AP2A2: variants seen among roughly 807,000 people sequenced by gnomAD.
AP2A2 encodes the protein AP-2 complex subunit alpha-2.
Under a neutral mutation model 104.2 loss-of-function variants are expected in AP2A2, and 32 were observed. That is an observed-to-expected ratio of 0.31 (90% confidence interval 0.23 to 0.41). The LOEUF (loss-of-function observed/expected upper bound fraction) is 0.41. AP2A2 is among the 10% of genes least tolerant of loss of function. The pLI, the probability that AP2A2 is intolerant of heterozygous loss-of-function variation, is 1.00. For synonymous variants in AP2A2, 539 were observed against 533.3 expected (o/e 1.01, Z -0.15); for missense variants, 912 against 1,261.0 (o/e 0.72, Z 4.19).
intron 1 of AP2A2, among the ~76,000 whole-genome samples, chr11:936,125 T>G (rs1280209372): frequency 2.7e-5 from 4 of 147,968 alleles, no homozygotes; most frequent in Non-Finnish European, 5.9e-5. Context: ...GCCAGGATGG[T>G]CTCTATCTCC....
At position 1,010,649 on chromosome 11, in the gene AP2A2, C is replaced by T. The variant is rs72842410; in HGVS notation, c.*24C>T. 212,602 of 1,556,544 alleles carry T rather than the reference C, an allele frequency of 0.14. 18,001 individuals are homozygous for T. The highest frequency in any genetic ancestry group is 0.33 in the South Asian group (28,012 of 85,024). On this transcript the variant is annotated 3_prime_UTR_variant, in exon 22 of 22. Transcript: ENST00000448903. ...AGTCCTGAGGATGGAAGACCAGGCT[C>T]GTGTGTCTTGTGTTGTCTTCGTCTG... is the stretch of plus-strand genomic sequence containing the variant.
chr11:993,401 T>C lies in AP2A2; in HGVS notation c.1550+20T>C. ...ATCCAGGTGAGAGGCCCTTTGCGAG[T>C]CGGGGCTGTGTGCGCTCCGGCGGGC... is the stretch of plus-strand genomic sequence containing the variant. On this transcript the variant is annotated intron_variant, in intron 12 of 21. Transcript: ENST00000448903. The surrounding 1 kb of genome is among the most constrained non-coding windows in gnomAD (Gnocchi z 8.2). The C allele has an allele frequency of 1.3e-6, 2 of 1,586,940 alleles. No individual in the cohort carries two copies. The highest frequency in any genetic ancestry group is 1.4e-5 in the African/African-American group (1 of 73,320).
At position 992,498 on chromosome 11, in the gene AP2A2, C is replaced by T; in HGVS notation, c.1270-5C>T. The T allele has an allele frequency of 6.3e-7, 1 of 1,579,846 alleles. No individual in the cohort carries two copies. On this transcript the variant is annotated splice_region_variant and splice_polypyrimidine_tract_variant and intron_variant, in intron 10 of 21. Coordinates refer to ENST00000448903, the MANE Select transcript of AP2A2 (RefSeq NM_012305.4). This position sits in a 1 kb window ranked among gnomAD's most constrained non-coding sequence, Gnocchi z 6.4. ...TGCCGGCCCTCAGCAGCCTGTCCCC[C>T]ACAGGTGCTGAAGGTCGCCATCCTG...
Position 970,344 on chromosome 11 carries a change from A to G in AP2A2, c.279+33A>G, listed in dbSNP as rs756674683. ...TCGCTGCAGGTGGAGACGGCAGAGG[A>G]TGGCGTGGGCCTGGCAGGACTGAGG... On this transcript the variant is annotated intron_variant, in intron 3 of 21. Coordinates refer to ENST00000448903, the MANE Select transcript of AP2A2 (RefSeq NM_012305.4). 12 of 1,607,110 alleles carry G rather than the reference A, an allele frequency of 7.5e-6. No homozygotes were observed. The South Asian group carries it at 8.8e-5, about 12-fold the overall frequency.
intron 4 of AP2A2, among the ~76,000 whole-genome samples, chr11:974,697 A>G (rs1342996006): frequency 1.4e-5 from 2 of 145,472 alleles, no homozygotes; most frequent in South Asian, 4.3e-4. Context: ...AAAAAAAAAA[A>G]AAAAGAAAGC....
intron 8 of AP2A2, 126 bp from the exon 9 acceptor site, chr11:986,659 G>A (rs1855468136): frequency 8.5e-7 from 1 of 1,179,226 alleles, no homozygotes; most frequent in Non-Finnish European, 1.2e-6. Flanking sequence ...CTTGAGCAGT[G>A]TGGTGGCGGT....
At position 1,011,050 on chromosome 11, in the gene AP2A2, G is replaced by A. The variant is rs780224229; in HGVS notation, c.*425G>A. The stretch of plus-strand genomic sequence containing the variant: ...GTGGGCTGAGCCTTGGTGTGTGGCC[G>A]TCCTGGTGGCTGCACACCTGGCGTC... On this transcript the variant is annotated 3_prime_UTR_variant, in exon 22 of 22. Coordinates refer to ENST00000448903, the MANE Select transcript of AP2A2 (RefSeq NM_012305.4). 18 of 642,472 alleles carry A rather than the reference G, an allele frequency of 2.8e-5. No individual in the cohort carries two copies. The highest frequency in any genetic ancestry group is 7.5e-5 in the Admixed American group (4 of 53,458). 39.8% of individuals were successfully genotyped at this position (642,472 alleles called of 1,614,324 possible). A position where few individuals can be genotyped will look rare whatever the true frequency, so the allele number is the denominator to read the frequency against.
chr11:969,384 C>T (rs1482781029), intron 2 of AP2A2, among the ~76,000 whole-genome samples: 4 of 151,956 alleles, frequency 2.6e-5, no homozygotes, highest in South Asian at 2.1e-4. Flanking sequence ...CATGCACCAC[C>T]ACGCCTGGCT....
chr11:977,076 C>T lies in AP2A2; in HGVS notation c.474-19C>T. ...TGTCTTCAGCCTGTTGCGAGTGACT[C>T]TTGACGTCTGTCTTTCAGAGACACT... On this transcript the variant is annotated intron_variant, in intron 4 of 21. Coordinates refer to ENST00000448903, the MANE Select transcript of AP2A2 (RefSeq NM_012305.4). 3.1e-6 allele frequency: 5 copies of T among 1,613,282 alleles called. No individual in the cohort carries two copies. The highest frequency in any genetic ancestry group is 3.4e-6 in the Non-Finnish European group (4 of 1,179,686).
intron 1 of AP2A2, among the ~76,000 whole-genome samples, chr11:950,335 A>G (rs1253638612): frequency 2.8e-5 from 4 of 142,096 alleles, no homozygotes; most frequent in African/African-American, 1.0e-4. Context: ...TTTTTGACAG[A>G]GTTTCGCTCT....
Position 970,287 on chromosome 11 carries a change from A to C in AP2A2, c.255A>C (p.Ser85=). Residue 85 remains serine (S), a synonymous_variant, in exon 3 of 22, where the codon TCA becomes TCC. Coordinates refer to ENST00000448903, the MANE Select transcript of AP2A2 (RefSeq NM_012305.4). ...GHMEAVNLLS[S]NRYTEKQIGY... The stretch of plus-strand genomic sequence containing the variant: ...TGGAGGCTGTGAACCTGCTGAGTTC[A>C]AACAGATACACGGAAAAGCAGATCG... The C allele has an allele frequency of 6.2e-7, 1 of 1,613,890 alleles. No homozygotes were observed. Among genetic ancestry groups the C allele is most frequent in the Non-Finnish European group, 8.5e-7 (1 of 1,179,804 alleles).
Position 993,452 on chromosome 11 carries a change from G to A in AP2A2, c.1550+71G>A, listed in dbSNP as rs1299238299. Reference sequence around the variant, plus strand: ...CTCTCGGTGGTCGGTGGCAAGAGGCGAGGCACCAGCTGGCCCTGCCGTGAG... The same window carrying A: ...CTCTCGGTGGTCGGTGGCAAGAGGCAAGGCACCAGCTGGCCCTGCCGTGAG... On this transcript the variant is annotated intron_variant, in intron 12 of 21. Coordinates refer to ENST00000448903, the MANE Select transcript of AP2A2 (RefSeq NM_012305.4). This position sits in a 1 kb window ranked among gnomAD's most constrained non-coding sequence, Gnocchi z 8.2. 1.4e-5 allele frequency: 15 copies of A among 1,107,732 alleles called. No homozygotes were observed. Among genetic ancestry groups the A allele is most frequent in the Non-Finnish European group, 1.5e-5 (13 of 846,458 alleles). 68.6% of individuals were successfully genotyped at this position (1,107,732 alleles called of 1,614,324 possible).
chr11:1,006,251 C>T (rs1261952669), intron 16 of AP2A2, among the ~76,000 whole-genome samples: 2 of 152,224 alleles, frequency 1.3e-5, no homozygotes, highest in Non-Finnish European at 2.9e-5. Flanking sequence ...TGTGATCTCA[C>T]CCATCCCGTG....
At position 967,990 on chromosome 11, in the gene AP2A2, C is replaced by G. The variant is rs533647147; in HGVS notation, c.137-2179C>G. 3.9e-5 allele frequency among the ~76,000 whole-genome samples: 6 copies of G among 152,268 alleles called. No homozygotes were observed. The East Asian group carries it at 1.2e-3, about 29-fold the overall frequency. ...AAGACTGTATCAGTCTGGGTCCTTT[C>G]AGGAGGGATAAACTTCACAGTGGCA... On this transcript the variant is annotated intron_variant, in intron 2 of 21. Transcript: ENST00000448903.
chr11:1,009,213 G>A lies in AP2A2; in HGVS notation c.2534G>A (p.Ser845Asn), dbSNP rs1403506091. 6.2e-7 allele frequency: 1 copy of A among 1,613,454 alleles called. No homozygotes were observed. Residue 845 changes from serine to asparagine, a missense_variant, in exon 19 of 22, where the codon AGC becomes AAC. This residue lies in a region of AP2A2 where 239 missense variants were observed against 329.8 expected (regional missense o/e 0.72). Transcript: ENST00000448903. ...TTCTTTCAACGTTGGAAGCAGTTGA[G>A]CAAGTGAGAAACCTGTTTCCTGTAG... ...QDFFQRWKQL[S>N]NPQQEVQNIF...
chr11:957,296 C>T (rs1854269011), intron 1 of AP2A2, among the ~76,000 whole-genome samples: 1 of 152,234 alleles, frequency 6.6e-6, no homozygotes, highest in Non-Finnish European at 1.5e-5. Context: ...ACCCTGTCCT[C>T]CTGGGCCTTT....
intron 2 of AP2A2, among the ~76,000 whole-genome samples, chr11:961,404 C>A (rs1854431864): frequency 6.8e-6 from 1 of 147,288 alleles, no homozygotes; most frequent in African/African-American, 2.5e-5. Context: ...CTGACAGTCG[C>A]CACCACTAGT....
At chr11:989,724 A>G (rs554023957) in intron 10 of AP2A2, among the ~76,000 whole-genome samples, 25 of 152,356 alleles carry the variant, frequency 1.6e-4, no homozygotes, top group African/African-American at 6.0e-4. Context: ...CCACATGGTC[A>G]GCAGAGAAGA....
intron 9 of AP2A2, among the ~76,000 whole-genome samples, chr11:987,501 A>T (rs1855501044): frequency 6.6e-6 from 1 of 151,840 alleles, no homozygotes; most frequent in Non-Finnish European, 1.5e-5. Flanking sequence ...TGCAAAAAAA[A>T]ATTAGCCGGG....
Sources: gnomAD v4.1 joint callset for allele counts (sites outside exome capture counted in the v4.1 genomes callset) on GRCh38, gnomAD v4.1.1 for gene constraint, gnomAD v4.1.1 regional missense constraint, Gnocchi (gnomAD v3.1) non-coding constraint, MANE v1.5 for transcripts, NCBI Gene and HGNC (gene_info 2026-07-23, HGNC 2026-07-21) for gene names.